Variants in UNK observed in about 807,000 individuals in gnomAD.
The protein encoded by UNK is unk zinc finger, also known as RING finger protein unkempt homolog.
In UNK, 32 loss-of-function variants were observed where a neutral mutation model predicts 97.6. That is an observed-to-expected ratio of 0.33 (90% CI 0.25 to 0.44). The LOEUF (loss-of-function observed/expected upper bound fraction) is 0.44. UNK is among the 20% of genes least tolerant of loss of function. The pLI, the probability that UNK is intolerant of heterozygous loss-of-function variation, is 1.00. For missense variants in UNK, 771 were observed against 1,098.4 expected (o/e 0.70, Z 4.21); for synonymous variants, 441 against 461.2 (o/e 0.96, Z 0.56).
chr17:75,806,767 C>T (rs1024205987), intron 1 of UNK, among the ~76,000 whole-genome samples: 6 of 152,150 alleles, frequency 3.9e-5, no homozygotes, highest in African/African-American at 1.2e-4. Flanking sequence ...TGTGAGACTC[C>T]GTCTCAAAAA....
Position 75,810,782 on chromosome 17 carries a change from G to A in UNK, c.314+813G>A, listed in dbSNP as rs564177347. Among the ~76,000 whole-genome samples the A allele has an allele frequency of 2.6e-4, 39 of 152,002 alleles. 1 individual carries two copies. The South Asian group carries it at 7.7e-3, about 30-fold the overall frequency. ...CTCCCAAGTAGCTGGGACTGCAGGC[G>A]TGCACCACAATACCCAGCTAATTTT... On this transcript the variant is annotated intron_variant, in intron 2 of 15. Coordinates refer to ENST00000589666, the MANE Select transcript of UNK (RefSeq NM_001080419.3).
chr17:75,809,672 CAG>C, intron 1 of UNK, 86 bp from the exon 2 acceptor site: 1 of 1,441,148 alleles, frequency 6.9e-7, no homozygotes. Flanking sequence ...GCAGGGCCCT[CAG>C]GGGACTTGGC....
chr17:75,811,245 G>T (rs55976319), intron 2 of UNK, among the ~76,000 whole-genome samples: 30,154 of 152,112 alleles, frequency 0.2, 3,386 homozygotes, highest in African/African-American at 0.3. Context: ...GAGCCACCAC[G>T]CCTGGCCATG....
chr17:75,824,489 A>AAT lies in UNK; in HGVS notation c.*85_*86dup, dbSNP rs202171835. 1.6e-3 allele frequency: 1,331 copies of AAT among 830,574 alleles called. No individual in the cohort carries two copies. The highest frequency in any genetic ancestry group is 4.4e-3 in the East Asian group (106 of 24,264). 51.5% of individuals were successfully genotyped at this position (830,574 alleles called of 1,614,324 possible). On this transcript the variant is annotated 3_prime_UTR_variant, in exon 16 of 16. Transcript: ENST00000589666. The surrounding 1 kb of genome is among the most constrained non-coding windows in gnomAD (Gnocchi z 4.9). ...TTTTTAAAGTATATATATATATATG[A>AAT]ATATATATATATATGTGTATGTATG...
Position 75,824,574 on chromosome 17 carries a change from A to G in UNK, c.*157A>G. On this transcript the variant is annotated 3_prime_UTR_variant, in exon 16 of 16. Transcript: ENST00000589666. The surrounding 1 kb of genome is among the most constrained non-coding windows in gnomAD (Gnocchi z 4.9). ...TTTCCGTATGTATGTATATGTATACATTTCCGTATGTGTGCAGGTATGCGT... is the reference window on the plus strand; with the variant it reads ...TTTCCGTATGTATGTATATGTATACGTTTCCGTATGTGTGCAGGTATGCGT... 1 of 522,834 alleles carries G rather than the reference A, an allele frequency of 1.9e-6. No individual in the cohort carries two copies. Among genetic ancestry groups the G allele is most frequent in the Non-Finnish European group, 2.7e-6 (1 of 375,366 alleles). 32.4% of individuals were successfully genotyped at this position (522,834 alleles called of 1,614,324 possible).
In UNK at chr17:75,793,462, G is replaced by A. The variant is rs116997749; in HGVS notation, c.104+8478G>A. ...TGCCAGTGTGTAGAATTTGACAGCA[G>A]TATCAAGAGCTGAGGAGAAGGAGAA... On this transcript the variant is annotated intron_variant, in intron 1 of 15. Transcript: ENST00000589666. 5.0e-3 allele frequency: 4,882 copies of A among 985,314 alleles called. 15 individuals are homozygous for A. Among genetic ancestry groups the A allele is most frequent in the Non-Finnish European group, 5.4e-3 (4,469 of 829,908 alleles). 61.0% of individuals were successfully genotyped at this position (985,314 alleles called of 1,614,324 possible). A position where few individuals can be genotyped will look rare whatever the true frequency, so the allele number is the denominator to read the frequency against.
intron 15 of UNK, 119 bp downstream of exon 15, chr17:75,823,641 A>G: frequency 2.2e-6 from 3 of 1,357,964 alleles, no homozygotes; most frequent in African/African-American, 1.5e-5. Flanking sequence ...TCTGCCCAGC[A>G]CTGGGCCAGC....
In UNK at chr17:75,813,193, C is replaced by G. The variant is rs746373025; in HGVS notation, c.738C>G (p.Ser246Arg). 2 of 1,586,834 alleles carry G rather than the reference C, an allele frequency of 1.3e-6. No homozygotes were observed. Among genetic ancestry groups the G allele is most frequent in the South Asian group, 1.1e-5 (1 of 87,278 alleles). Residue 246 changes from serine to arginine, a missense_variant, in exon 5 of 16, where the codon AGC (serine) becomes AGG (arginine). By Grantham distance (110) the Ser-to-Arg change is moderately radical (BLOSUM62 -1). This residue lies in a region of UNK where 246 missense variants were observed against 440.7 expected (regional missense o/e 0.56). Coordinates refer to ENST00000589666, the MANE Select transcript of UNK (RefSeq NM_001080419.3). ...ACAACAGCAAGGACCGGCGGCGGAG[C>G]CCCCGGAAGCACAAATACAGGTCCT... ...YYHNSKDRRR[S>R]PRKHKYRSSP...
chr17:75,824,387 G>T lies in UNK; in HGVS notation c.2403G>T (p.Gln801His). Residue 801 changes from glutamine to histidine, a missense_variant, in exon 16 of 16, where the codon CAG becomes CAT. Coordinates refer to ENST00000589666, the MANE Select transcript of UNK (RefSeq NM_001080419.3). This position sits in a 1 kb window ranked among gnomAD's most constrained non-coding sequence, Gnocchi z 4.9. Reference sequence around the variant, plus strand: ...AGGGCAGCGAGTGCCCCATCTGCCAGCCTGGCCGGGCCCACACCCTCCAGT... The same window carrying T: ...AGGGCAGCGAGTGCCCCATCTGCCATCCTGGCCGGGCCCACACCCTCCAGT... ...CAEGSECPIC[Q>H]PGRAHTLQS The T allele has an allele frequency of 6.4e-7, 1 of 1,563,730 alleles. No homozygotes were observed. The highest frequency in any genetic ancestry group is 8.6e-7 in the Non-Finnish European group (1 of 1,158,946).
intron 1 of UNK, among the ~76,000 whole-genome samples, chr17:75,793,040 A>C (rs2061775980): frequency 6.6e-6 from 1 of 152,226 alleles, no homozygotes; most frequent in South Asian, 2.1e-4. Context: ...CCATGTTATA[A>C]GTCTGTGGAG....
chr17:75,820,556 C>T (rs1278621798), intron 13 of UNK, among the ~76,000 whole-genome samples: 1 of 152,120 alleles, frequency 6.6e-6, no homozygotes, highest in Non-Finnish European at 1.5e-5. Flanking sequence ...CCCCTGGCTT[C>T]GGGTGCCCTT....
intron 1 of UNK, among the ~76,000 whole-genome samples, chr17:75,791,096 A>G (rs2061760659): frequency 6.6e-6 from 1 of 152,178 alleles, no homozygotes; most frequent in South Asian, 2.1e-4. Context: ...CAGACTTCTT[A>G]ATTTTAATGC....
rs370473630 is a variant in UNK, at chr17:75,816,754, C to T, written c.962-16C>T. The stretch of plus-strand genomic sequence containing the variant: ...GCTGGCTGGGGCCTGCTGACCCCTG[C>T]CCCTGACTCTTGCAGAGCCACCCCT... On this transcript the variant is annotated splice_polypyrimidine_tract_variant and intron_variant, in intron 7 of 15. Transcript: ENST00000589666. This position sits in a 1 kb window ranked among gnomAD's most constrained non-coding sequence, Gnocchi z 4.0. 9.4e-6 allele frequency: 15 copies of T among 1,593,564 alleles called. No homozygotes were observed. Among genetic ancestry groups the T allele is most frequent in the Middle Eastern group, 2.2e-4 (1 of 4,602 alleles).
chr17:75,821,592 T>C, intron 13 of UNK: 1 of 456,570 alleles, frequency 2.2e-6, no homozygotes, highest in Non-Finnish European at 4.4e-6. Flanking sequence ...CCTCTGTGGG[T>C]GCACTTGTGT....
In UNK at chr17:75,817,487, C is replaced by T. The variant is rs2143807680; in HGVS notation, c.1266C>T (p.Asp422=). Residue 422 remains aspartate (D), a synonymous_variant, in exon 9 of 16, where the codon GAC becomes GAT. Transcript: ENST00000589666. The surrounding 1 kb of genome is among the most constrained non-coding windows in gnomAD (Gnocchi z 5.8). Reference sequence around the variant, plus strand: ...AGGCTCCCGGCTTCGAGAGGGAAGACCAGGTGGGAGCCGAGTACCTGAAAA... The same window carrying T: ...AGGCTCCCGGCTTCGAGAGGGAAGATCAGGTGGGAGCCGAGTACCTGAAAA... ...YKKAPGFERE[D]QVGAEYLKNF... is the part of the protein sequence containing the mutation. The T allele has an allele frequency of 6.2e-7, 1 of 1,612,662 alleles. No individual in the cohort carries two copies. Among genetic ancestry groups the T allele is most frequent in the East Asian group, 2.2e-5 (1 of 44,862 alleles).
In UNK at chr17:75,822,487, G is replaced by A; in HGVS notation, c.1848G>A (p.Gly616=). ...CCCTCCTTGGGGCAGGTCTGAACGG[G>A]ATGAACAGCAGCATCTGGGAGCATT... ...SASHGSLGLN[G]MNSSIWEHFA... Residue 616 remains glycine (G), a synonymous_variant, in exon 14 of 16, where the codon GGG becomes GGA. Transcript: ENST00000589666. The A allele has an allele frequency of 6.2e-7, 1 of 1,612,692 alleles. No homozygotes were observed. Among genetic ancestry groups the A allele is most frequent in the Admixed American group, 1.7e-5 (1 of 59,910 alleles).
intron 1 of UNK, among the ~76,000 whole-genome samples, chr17:75,790,167 C>G (rs950553157): frequency 3.3e-5 from 5 of 150,892 alleles, no homozygotes; most frequent in African/African-American, 1.2e-4. Flanking sequence ...AAATAAAATA[C>G]AAAAATTAGC....
At position 75,817,743 on chromosome 17, in the gene UNK, A is replaced by G. The variant is rs2062030063; in HGVS notation, c.1305+217A>G. ...GGCTGCATAGCCTCCCCTGGGCTGC[A>G]GAGCTGGTTAGGAGAGGAGCCAGAT... On this transcript the variant is annotated intron_variant, in intron 9 of 15. Coordinates refer to ENST00000589666, the MANE Select transcript of UNK (RefSeq NM_001080419.3). The surrounding 1 kb of genome is among the most constrained non-coding windows in gnomAD (Gnocchi z 5.8). Among the ~76,000 whole-genome samples the G allele has an allele frequency of 6.6e-6, 1 of 152,174 alleles. No homozygotes were observed.
intron 1 of UNK, chr17:75,792,140 G>C: frequency 1.1e-6 from 1 of 941,330 alleles, no homozygotes; most frequent in Non-Finnish European, 1.3e-6. Flanking sequence ...TTTACCTAAA[G>C]GTAATTTTTC....
Sources: gnomAD v4.1 joint callset for allele counts (sites outside exome capture counted in the v4.1 genomes callset) on GRCh38, gnomAD v4.1.1 for gene constraint, gnomAD v4.1.1 regional missense constraint, Gnocchi (gnomAD v3.1) non-coding constraint, MANE v1.5 for transcripts, NCBI Gene and HGNC (gene_info 2026-07-23, HGNC 2026-07-21) for gene names.